The following CHCHD6 variants were observed in gnomAD, a reference collection of about 807,000 sequenced individuals.
The protein encoded by CHCHD6 is coiled-coil-helix-coiled-coil-helix domain containing 6, also known as MICOS complex subunit MIC25.
In CHCHD6, 28 loss-of-function variants were observed where a neutral mutation model predicts 32.3. That is an observed-to-expected ratio of 0.87 (90% confidence interval 0.64 to 1.19). CHCHD6 has a LOEUF of 1.19. Among genes scored for constraint, CHCHD6 ranks in the 50% most tolerant of loss-of-function variants. The pLI is 0.00. For synonymous variants in CHCHD6, 122 were observed against 117.5 expected (o/e 1.04, Z -0.25); for missense variants, 333 against 307.0 (o/e 1.08, Z -0.63).
chr3:126,881,500 C>T (rs1237797662), intron 5 of CHCHD6, among the ~76,000 whole-genome samples: 3 of 152,170 alleles, frequency 2.0e-5, no homozygotes, highest in Non-Finnish European at 4.4e-5. Flanking sequence ...TGATTTAATA[C>T]AAGTGTATAG....
At chr3:126,905,182 A>G (rs755755394) in intron 5 of CHCHD6, among the ~76,000 whole-genome samples, 6 of 152,212 alleles carry the variant, frequency 3.9e-5, no homozygotes, top group Non-Finnish European at 7.3e-5. Context: ...ATCAAGGTAA[A>G]GAACTGACTC....
chr3:126,835,763 G>T (rs1256597503), intron 4 of CHCHD6, among the ~76,000 whole-genome samples: 2 of 152,164 alleles, frequency 1.3e-5, no homozygotes, highest in African/African-American at 4.8e-5. Flanking sequence ...AGTAAGCTCT[G>T]CTTTACCCGA....
chr3:126,732,072 CAAAACCAAAA>C (rs1370217197), intron 3 of CHCHD6, among the ~76,000 whole-genome samples: 2 of 81,232 alleles, frequency 2.5e-5, no homozygotes, highest in Admixed American at 1.3e-4. Flanking sequence ...TTGTGAGACC[CAAAACCAAAA>C]AAAAAAAAAA....
At chr3:126,728,806 T>C (rs187420472) in intron 2 of CHCHD6, among the ~76,000 whole-genome samples, 11 of 152,364 alleles carry the variant, frequency 7.2e-5, no homozygotes, top group Admixed American at 7.2e-4. Flanking sequence ...GAACAGTGGT[T>C]CTTTTGTCAC....
chr3:126,735,358 A>C (rs977708714), intron 4 of CHCHD6, among the ~76,000 whole-genome samples: 1 of 152,222 alleles, frequency 6.6e-6, no homozygotes, highest in East Asian at 1.9e-4. Flanking sequence ...CTAGATGGAT[A>C]ATAATCCCCT....
intron 5 of CHCHD6, among the ~76,000 whole-genome samples, chr3:126,885,046 G>T (rs960254318): frequency 4.6e-5 from 7 of 152,318 alleles, no homozygotes; most frequent in Non-Finnish European, 7.3e-5. Flanking sequence ...CTGAAGGCCA[G>T]TCGTGGCACT....
chr3:126,722,128 G>A (rs779082703), intron 1 of CHCHD6, among the ~76,000 whole-genome samples: 25 of 152,072 alleles, frequency 1.6e-4, no homozygotes, highest in Non-Finnish European at 2.8e-4. Context: ...CCATATCCTC[G>A]CAAATACTTA....
chr3:126,955,062 G>C (rs192547123), intron 6 of CHCHD6, among the ~76,000 whole-genome samples: 2 of 152,252 alleles, frequency 1.3e-5, no homozygotes, highest in Non-Finnish European at 2.9e-5. Flanking sequence ...AACCAAAGCT[G>C]TATGTGCAGT....
intron 6 of CHCHD6, among the ~76,000 whole-genome samples, chr3:126,938,358 C>T (rs2078513009): frequency 6.6e-6 from 1 of 152,206 alleles, no homozygotes; most frequent in African/African-American, 2.4e-5. Flanking sequence ...AACCGCTCTT[C>T]ATCTGTCTTC....
chr3:126,917,541 A>G (rs2078189473), intron 6 of CHCHD6, among the ~76,000 whole-genome samples: 1 of 152,230 alleles, frequency 6.6e-6, no homozygotes, highest in African/African-American at 2.4e-5. Context: ...CAAACAGGAC[A>G]CACTCTTTAA....
intron 4 of CHCHD6, among the ~76,000 whole-genome samples, chr3:126,754,567 T>C (rs1349215907): frequency 6.6e-6 from 1 of 152,190 alleles, no homozygotes; most frequent in African/African-American, 2.4e-5. Flanking sequence ...GAGGCGAGCA[T>C]GTCCAGGAAC....
At chr3:126,857,661 T>G (rs1941708405) in intron 5 of CHCHD6, among the ~76,000 whole-genome samples, 1 of 152,086 alleles carries the variant, frequency 6.6e-6, no homozygotes, top group Non-Finnish European at 1.5e-5. Context: ...ATATAGGATT[T>G]CCACTTCACA....
intron 5 of CHCHD6, among the ~76,000 whole-genome samples, chr3:126,855,663 C>G (rs902566401): frequency 6.6e-6 from 1 of 152,116 alleles, no homozygotes; most frequent in African/African-American, 2.4e-5. Flanking sequence ...TTGCAGTATC[C>G]ACTGGGCTGG....
intron 1 of CHCHD6, among the ~76,000 whole-genome samples, chr3:126,718,672 T>A (rs1935137112): frequency 6.6e-6 from 1 of 152,130 alleles, no homozygotes; most frequent in Admixed American, 6.5e-5. Flanking sequence ...GAGCTCCTCC[T>A]CCCCTGTACT....
At chr3:126,802,582 G>A (rs575209620) in intron 4 of CHCHD6, among the ~76,000 whole-genome samples, 7 of 152,312 alleles carry the variant, frequency 4.6e-5, no homozygotes, top group Non-Finnish European at 7.3e-5. Context: ...CCAAATCTAC[G>A]TCTGATTGGT....
At chr3:126,838,715 C>A (rs781429437) in intron 4 of CHCHD6, among the ~76,000 whole-genome samples, 21 of 152,076 alleles carry the variant, frequency 1.4e-4, no homozygotes, top group Non-Finnish European at 2.5e-4. Context: ...CACAGCAAAC[C>A]CTTATGGCAG....
chr3:126,837,906 G>A (rs1453000120), intron 4 of CHCHD6, among the ~76,000 whole-genome samples: 3 of 152,062 alleles, frequency 2.0e-5, no homozygotes, highest in Non-Finnish European at 1.5e-5. Flanking sequence ...TTCTTACTTG[G>A]GCAACACGGA....
At chr3:126,718,822 G>A (rs528398589) in intron 1 of CHCHD6, among the ~76,000 whole-genome samples, 2 of 152,286 alleles carry the variant, frequency 1.3e-5, no homozygotes, top group South Asian at 4.1e-4. Context: ...GTTGGTGCAG[G>A]GACCACTGCC....
chr3:126,909,986 A>G (rs541715410), intron 5 of CHCHD6, among the ~76,000 whole-genome samples: 2 of 152,314 alleles, frequency 1.3e-5, no homozygotes, highest in African/African-American at 4.8e-5. Context: ...TCTTTTAAAA[A>G]CACAAATCAG....
Sources: allele counts gnomAD v4.1 joint callset (sites outside exome capture counted in the v4.1 genomes callset), GRCh38; gene constraint gnomAD v4.1.1; transcripts MANE v1.5; gene names NCBI Gene and HGNC (gene_info 2026-07-23, HGNC 2026-07-21).